SCHIP1: variants seen among roughly 807,000 people sequenced by gnomAD.
SCHIP1 encodes the protein schwannomin interacting protein 1, also known as schwannomin-interacting protein 1.
SCHIP1 carries 8 observed loss-of-function variants against 29.7 expected under a neutral mutation model. The ratio of observed to expected loss-of-function variants is 0.27; its 90% CI spans 0.16 to 0.49. The LOEUF (loss-of-function observed/expected upper bound fraction) is 0.49, where lower values mean the gene tolerates loss of function less well. Ranked by LOEUF, SCHIP1 falls within the 20% of genes least tolerant of loss-of-function variation. SCHIP1 has a pLI of 0.99. For missense variants in SCHIP1, 193 were observed against 294.6 expected (o/e 0.66, Z 2.52); for synonymous variants, 76 against 94.9 (o/e 0.80, Z 1.16).
chr3:159,768,066 G>A, the SCHIP1 span, among the ~76,000 whole-genome samples: 1 of 152,146 alleles, frequency 6.6e-6, no homozygotes, highest in African/African-American at 2.4e-5. Flanking sequence ...GCCCAGAGAG[G>A]TTAAGTGATT....
chr3:159,559,560 T>C, the SCHIP1 span, among the ~76,000 whole-genome samples: 1 of 152,220 alleles, frequency 6.6e-6, no homozygotes, highest in Non-Finnish European at 1.5e-5. Context: ...TAATGCAAAA[T>C]TTACATGTAA....
chr3:159,448,601 A>G, the SCHIP1 span, among the ~76,000 whole-genome samples: 1 of 151,936 alleles, frequency 6.6e-6, no homozygotes, highest in Admixed American at 6.6e-5. Flanking sequence ...GCCATAAAAT[A>G]TGTGTTAAGA....
the SCHIP1 span, among the ~76,000 whole-genome samples, chr3:159,421,513 A>T: frequency 3.1e-4 from 47 of 152,356 alleles, no homozygotes; most frequent in African/African-American, 1.1e-3. Flanking sequence ...AAGGAGAACA[A>T]ATAAAGTTAA....
chr3:159,392,077 T>C, the SCHIP1 span, among the ~76,000 whole-genome samples: 1 of 152,164 alleles, frequency 6.6e-6, no homozygotes. Context: ...TTTTGGTGTT[T>C]GTTTGTTTTT....
chr3:159,575,845 G>A, the SCHIP1 span, among the ~76,000 whole-genome samples: 203 of 151,948 alleles, frequency 1.3e-3, no homozygotes, highest in African/African-American at 4.6e-3. Flanking sequence ...TTTGATTTCC[G>A]ATATTTTTCC....
the SCHIP1 span, among the ~76,000 whole-genome samples, chr3:159,435,363 C>A: frequency 6.6e-6 from 1 of 152,062 alleles, no homozygotes; most frequent in Non-Finnish European, 1.5e-5. Flanking sequence ...TCCAAACAAC[C>A]ATATCAAAGT....
chr3:159,798,552 GT>G, the SCHIP1 span, among the ~76,000 whole-genome samples: 14 of 152,192 alleles, frequency 9.2e-5, 1 homozygote, highest in South Asian at 2.9e-3. Flanking sequence ...GAGGTCAGGA[GT>G]TCGAGACCAG....
chr3:159,473,335 G>C, the SCHIP1 span, among the ~76,000 whole-genome samples: 1 of 152,058 alleles, frequency 6.6e-6, no homozygotes, highest in Non-Finnish European at 1.5e-5. Flanking sequence ...CATTGACTCT[G>C]TTACTTTGTC....
chr3:159,806,615 A>G, the SCHIP1 span, among the ~76,000 whole-genome samples: 51 of 152,334 alleles, frequency 3.3e-4, 1 homozygote, highest in East Asian at 6.7e-3. Flanking sequence ...GGATTTCTCA[A>G]TCTGGGAGCT....
At chr3:159,693,921 G>A in the SCHIP1 span, among the ~76,000 whole-genome samples, 3 of 152,172 alleles carry the variant, frequency 2.0e-5, no homozygotes, top group Non-Finnish European at 2.9e-5. Context: ...GTGAAGATCA[G>A]TGCTATGGTT....
the SCHIP1 span, among the ~76,000 whole-genome samples, chr3:159,351,099 C>T: frequency 1.3e-4 from 20 of 151,866 alleles, no homozygotes; most frequent in African/African-American, 4.9e-4. Context: ...GATTCTCAGA[C>T]AACCAATGGA....
At chr3:159,365,021 A>G in the SCHIP1 span, among the ~76,000 whole-genome samples, 1 of 152,210 alleles carries the variant, frequency 6.6e-6, no homozygotes, top group African/African-American at 2.4e-5. Context: ...GGCATCCTCC[A>G]CACACTAGCT....
At chr3:159,671,464 C>A in the SCHIP1 span, among the ~76,000 whole-genome samples, 2 of 152,190 alleles carry the variant, frequency 1.3e-5, no homozygotes, top group African/African-American at 2.4e-5. Context: ...TCCCAAGGCT[C>A]TTTCTCCCCA....
the SCHIP1 span, among the ~76,000 whole-genome samples, chr3:159,570,271 T>C: frequency 6.6e-6 from 1 of 152,202 alleles, no homozygotes; most frequent in Non-Finnish European, 1.5e-5. Flanking sequence ...GTTTTTATGG[T>C]TTTAGGTCTA....
chr3:159,744,794 G>A, the SCHIP1 span, among the ~76,000 whole-genome samples: 2 of 152,076 alleles, frequency 1.3e-5, no homozygotes, highest in Admixed American at 6.5e-5. Flanking sequence ...TGGCTAACAC[G>A]GTGAAACCTC....
At chr3:159,567,716 A>G in the SCHIP1 span, among the ~76,000 whole-genome samples, 2,446 of 152,256 alleles carry the variant, frequency 0.016, 76 homozygotes, top group African/African-American at 0.055. Flanking sequence ...ACACAAATAT[A>G]TATTCCAAAC....
Position 159,886,794 on chromosome 3 carries a change from G to A in SCHIP1, c.267+470G>A, listed in dbSNP as rs148001667. Reference sequence around the variant, plus strand: ...TGTATTAGTTCATTTTCATGTTGCCGATAAAGACATATCCAAGACTGGGCA... The same window carrying A: ...TGTATTAGTTCATTTTCATGTTGCCAATAAAGACATATCCAAGACTGGGCA... On this transcript the variant is annotated intron_variant, in intron 3 of 6. Coordinates refer to ENST00000445224, the Ensembl canonical transcript of SCHIP1. 9.3e-3 allele frequency: 1,509 copies of A among 161,848 alleles called. 22 individuals carry two copies. Among genetic ancestry groups the A allele is most frequent in the African/African-American group, 0.035 (1,443 of 41,698 alleles). The allele number at this position is 161,848 out of a possible 1,614,324, so 10.0% of individuals were successfully genotyped here. A position where few individuals can be genotyped will look rare whatever the true frequency, so the allele number is the denominator to read the frequency against.
chr3:159,582,411 C>G, the SCHIP1 span, among the ~76,000 whole-genome samples: 1 of 152,084 alleles, frequency 6.6e-6, no homozygotes, highest in African/African-American at 2.4e-5. Context: ...AAGTGATCCT[C>G]CTGCCTCGGC....
the SCHIP1 span, among the ~76,000 whole-genome samples, chr3:159,803,031 T>G: frequency 2.6e-5 from 4 of 152,308 alleles, no homozygotes; most frequent in African/African-American, 9.6e-5. Flanking sequence ...TTAAGGACAC[T>G]TCCCAGAAGT....
Sources: allele counts gnomAD v4.1 joint callset (sites outside exome capture counted in the v4.1 genomes callset), GRCh38; gene constraint gnomAD v4.1.1; transcripts MANE v1.5; gene names NCBI Gene and HGNC (gene_info 2026-07-23, HGNC 2026-07-21).